The following FHIT variants were observed in gnomAD, a reference collection of about 807,000 sequenced individuals.
FHIT encodes bis(5'-adenosyl)-triphosphatase.
FHIT carries 19 observed loss-of-function variants against 17.9 expected under a neutral mutation model. The observed-to-expected ratio is 1.06, with a 90% CI of 0.74 to 1.56. FHIT has a LOEUF of 1.56. Among genes scored for constraint, FHIT ranks in the 40% most tolerant of loss-of-function variants. The pLI is 0.00. For missense variants in FHIT, 248 were observed against 189.2 expected, an observed-to-expected ratio of 1.31 and a Z score of -1.82; for synonymous variants, 81 against 69.7, an observed-to-expected ratio of 1.16 and a Z score of -0.81.
chr3:61,216,365 T>C (rs2095312251), intron 1 of FHIT, among the ~76,000 whole-genome samples: 1 of 152,204 alleles, frequency 6.6e-6, no homozygotes. Context: ...AAAGAAGACA[T>C]TTATGCAGCC....
intron 5 of FHIT, among the ~76,000 whole-genome samples, chr3:60,452,396 C>T (rs1429010896): frequency 6.6e-6 from 1 of 151,974 alleles, no homozygotes; most frequent in East Asian, 1.9e-4. Context: ...TTACTGTGTA[C>T]CCAAGATGAC....
At chr3:60,565,729 T>A (rs1019404767) in intron 4 of FHIT, among the ~76,000 whole-genome samples, 2 of 152,156 alleles carry the variant, frequency 1.3e-5, no homozygotes, top group African/African-American at 4.8e-5. Flanking sequence ...ATTCACTGAT[T>A]TTTTGAAGGG....
chr3:59,789,860 A>G (rs1575497638), intron 8 of FHIT, among the ~76,000 whole-genome samples: 1 of 152,354 alleles, frequency 6.6e-6, no homozygotes, highest in South Asian at 2.1e-4. Context: ...AAGTGAACCC[A>G]TTAAAAATGT....
chr3:61,008,466 T>G (rs1055634957), intron 3 of FHIT, among the ~76,000 whole-genome samples: 5 of 150,734 alleles, frequency 3.3e-5, no homozygotes, highest in African/African-American at 1.2e-4. Flanking sequence ...ACAAAAGGAG[T>G]CTGGGGCTAG....
chr3:60,316,516 G>A (rs1174502833), intron 5 of FHIT, among the ~76,000 whole-genome samples: 1 of 152,164 alleles, frequency 6.6e-6, no homozygotes, highest in Non-Finnish European at 1.5e-5. Flanking sequence ...TGCAGATCAA[G>A]CCACTAGCAG....
At chr3:60,472,285 T>C (rs559401783) in intron 5 of FHIT, among the ~76,000 whole-genome samples, 4 of 152,270 alleles carry the variant, frequency 2.6e-5, no homozygotes, top group Admixed American at 2.0e-4. Context: ...TCGAACTGTA[T>C]GCCCACTTTT....
intron 5 of FHIT, among the ~76,000 whole-genome samples, chr3:60,466,131 T>C (rs1010187040): frequency 1.3e-5 from 2 of 152,048 alleles, no homozygotes; most frequent in East Asian, 1.9e-4. Flanking sequence ...TCCTAGGTAG[T>C]TGATTTGTAG....
intron 5 of FHIT, among the ~76,000 whole-genome samples, chr3:60,333,159 C>G (rs189649918): frequency 6.6e-6 from 1 of 152,276 alleles, no homozygotes; most frequent in East Asian, 1.9e-4. Context: ...GAAATGAAAG[C>G]GCATATTGCT....
At chr3:60,290,913 C>A (rs558560277) in intron 5 of FHIT, among the ~76,000 whole-genome samples, 1 of 152,128 alleles carries the variant, frequency 6.6e-6, no homozygotes, top group Admixed American at 6.6e-5. Flanking sequence ...ATCCAGGCAG[C>A]TCATGGGGGC....
intron 3 of FHIT, among the ~76,000 whole-genome samples, chr3:60,957,229 CTTTCT>C (rs1709208557): frequency 3.9e-5 from 5 of 127,930 alleles, no homozygotes; most frequent in Admixed American, 8.3e-5. Flanking sequence ...TCTTTTCTTT[CTTTCT>C]TTTTTTTTTT....
At chr3:60,538,908 A>G (rs548845720) in intron 4 of FHIT, among the ~76,000 whole-genome samples, 2 of 152,180 alleles carry the variant, frequency 1.3e-5, no homozygotes, top group East Asian at 3.9e-4. Context: ...AAAACACCAA[A>G]AGCAATGGCA....
chr3:60,336,906 AAAAAG>A (rs1394714984), intron 5 of FHIT, among the ~76,000 whole-genome samples: 1 of 152,154 alleles, frequency 6.6e-6, no homozygotes, highest in African/African-American at 2.4e-5. Context: ...AAAAAAAAAA[AAAAAG>A]TTCTTTGTCA....
chr3:60,391,070 C>T (rs930642204), intron 5 of FHIT, among the ~76,000 whole-genome samples: 2 of 150,908 alleles, frequency 1.3e-5, no homozygotes, highest in African/African-American at 5.0e-5. Flanking sequence ...TGCCTGTGGT[C>T]CCAGCTTCTC....
At chr3:59,898,083 T>C (rs1056219247) in intron 8 of FHIT, among the ~76,000 whole-genome samples, 8 of 151,990 alleles carry the variant, frequency 5.3e-5, no homozygotes, top group African/African-American at 1.9e-4. Flanking sequence ...CTGAAACTTT[T>C]TGAGCACCGA....
intron 5 of FHIT, among the ~76,000 whole-genome samples, chr3:60,293,612 C>T (rs1027941601): frequency 6.6e-6 from 1 of 151,706 alleles, no homozygotes; most frequent in Non-Finnish European, 1.5e-5. Context: ...CTAAAATATG[C>T]CTGCTGGTTG....
intron 2 of FHIT, among the ~76,000 whole-genome samples, chr3:61,066,699 G>A (rs969273053): frequency 6.6e-6 from 1 of 152,146 alleles, no homozygotes; most frequent in African/African-American, 2.4e-5. Context: ...CAGCAAGGAG[G>A]AAGCTGTAAT....
chr3:60,237,556 A>G (rs1704871089), intron 5 of FHIT, among the ~76,000 whole-genome samples: 1 of 152,158 alleles, frequency 6.6e-6, no homozygotes, highest in Non-Finnish European at 1.5e-5. Context: ...AATCCTGTGA[A>G]ATAGAAACTT....
chr3:60,637,938 C>G (rs1553684360), intron 4 of FHIT, among the ~76,000 whole-genome samples: 1 of 152,146 alleles, frequency 6.6e-6, no homozygotes, highest in African/African-American at 2.4e-5. Flanking sequence ...TTGTGGAAAG[C>G]TATCAAAACC....
Position 61,067,014 on chromosome 3 carries a change from G to A in FHIT, c.-163-24915C>T, listed in dbSNP as rs573287702. On this transcript the variant is annotated intron_variant, in intron 2 of 9. Coordinates refer to ENST00000492590, the MANE Select transcript of FHIT (RefSeq NM_002012.4). ...GTTACTTCCCCGGCTATGCTTGTGC[G>A]TGGGCTGGGAAGCCTTCTTTTGGTT... Among the ~76,000 whole-genome samples, 26 of 152,302 alleles carry A rather than the reference G, an allele frequency of 1.7e-4. No homozygotes were observed. The East Asian group carries it at 2.9e-3, about 17-fold the overall frequency.
Sources: allele counts gnomAD v4.1 joint callset (sites outside exome capture counted in the v4.1 genomes callset), GRCh38; gene constraint gnomAD v4.1.1; transcripts MANE v1.5; gene names NCBI Gene and HGNC (gene_info 2026-07-23, HGNC 2026-07-21).